The following DNMT1 variants were observed in gnomAD, a reference collection of about 807,000 sequenced individuals.
DNMT1 encodes DNA methyltransferase 1, also known as DNA (cytosine-5)-methyltransferase 1.
Under a neutral mutation model 205.3 loss-of-function variants are expected in DNMT1, and 24 were observed. The observed-to-expected ratio is 0.12, with a 90% CI of 0.08 to 0.16. The LOEUF (loss-of-function observed/expected upper bound fraction) is 0.16. Ranked by LOEUF, DNMT1 falls within the 10% of genes least tolerant of loss-of-function variation. The pLI is 1.00. For missense variants in DNMT1, 1,293 were observed against 2,177.7 expected, an observed-to-expected ratio of 0.59 and a Z score of 8.09; for synonymous variants, 817 against 839.8, an observed-to-expected ratio of 0.97 and a Z score of 0.47.
At chr19:10,150,728 G>C (rs1041301410) in intron 24 of DNMT1, among the ~76,000 whole-genome samples, 1 of 152,316 alleles carries the variant, frequency 6.6e-6, no homozygotes, top group East Asian at 1.9e-4. Flanking sequence ...AGAACGGATG[G>C]GAGGCCATCT....
At position 10,142,034 on chromosome 19, in the gene DNMT1, G is replaced by A; in HGVS notation, c.3303C>T (p.Phe1101=). 6.2e-7 allele frequency: 1 copy of A among 1,612,544 alleles called. No individual in the cohort carries two copies. Among genetic ancestry groups the A allele is most frequent in the African/African-American group, 1.3e-5 (1 of 75,028 alleles). The change falls in exon 30 of 41, where the codon TTC becomes TTT. Residue 1101 remains phenylalanine, a synonymous_variant. Coordinates refer to ENST00000359526, the MANE Select transcript of DNMT1 (RefSeq NM_001130823.3). ...YSMGGPNRFY[F]LEAYNAKSKS... ...TAGCAAGCAGGGGCACCACCTCGAGGAAGTAGAAGCGGTTGGGGCCGCCCA... is the reference window on the plus strand; with the variant it reads ...TAGCAAGCAGGGGCACCACCTCGAGAAAGTAGAAGCGGTTGGGGCCGCCCA...
In DNMT1 at chr19:10,148,024, G is replaced by A. The variant is rs1048689588; in HGVS notation, c.2720+860C>T. On this transcript the variant is annotated intron_variant, in intron 27 of 40. Coordinates refer to ENST00000359526, the MANE Select transcript of DNMT1 (RefSeq NM_001130823.3). ...CCAGCTACTCAGGAGGCTGAGGCAG[G>A]AGAATCGCTTGAACCCAGGAAGTAG... 8.1e-5 allele frequency among the ~76,000 whole-genome samples: 12 copies of A among 147,930 alleles called. No homozygotes were observed. In the South Asian group the frequency reaches 8.5e-4, roughly 10 times the overall value.
At chr19:10,164,481 T>C (rs2038641606) in intron 11 of DNMT1, among the ~76,000 whole-genome samples, 1 of 152,116 alleles carries the variant, frequency 6.6e-6, no homozygotes. Flanking sequence ...TCCATGGTGG[T>C]GCATGCCTGT....
At chr19:10,189,610 G>C (rs1048071355) in intron 1 of DNMT1, among the ~76,000 whole-genome samples, 2 of 151,030 alleles carry the variant, frequency 1.3e-5, no homozygotes, top group Non-Finnish European at 2.9e-5. Flanking sequence ...AGATGGGGGG[G>C]GTCTTCCTAT....
rs1056591806 is a variant in DNMT1 at position 10,136,757 on chromosome 19, G to T, written c.4489+328C>A. 9.3e-4 allele frequency among the ~76,000 whole-genome samples: 134 copies of T among 143,456 alleles called. 1 individual carries two copies. Among genetic ancestry groups the T allele is most frequent in the African/African-American group, 3.2e-3 (127 of 39,166 alleles). The allele number at this position is 143,456 out of a possible 152,430, so 94.1% of individuals were successfully genotyped here. A position where few individuals can be genotyped will look rare whatever the true frequency, so the allele number is the denominator to read the frequency against. ...GACCTGCTTTTATTATTTATTTATT[G>T]TTTTTTTTTTTTCTTTTTAGAGACA... On this transcript the variant is annotated intron_variant, in intron 37 of 40. Transcript: ENST00000359526.
At chr19:10,143,689 T>TA (rs2089645849) in intron 29 of DNMT1, 77 bp downstream of exon 29, 1 of 1,534,830 alleles carries the variant, frequency 6.5e-7, no homozygotes, top group Non-Finnish European at 9.0e-7. Flanking sequence ...CTGTGGGTGC[T>TA]ATGCCACAAC....
Position 10,136,302 on chromosome 19 carries a change from A to G in DNMT1, c.4490-15T>C. 1 of 1,613,424 alleles carries G rather than the reference A, an allele frequency of 6.2e-7. No homozygotes were observed. The highest frequency in any genetic ancestry group is 8.5e-7 in the Non-Finnish European group (1 of 1,179,990). On this transcript the variant is annotated splice_polypyrimidine_tract_variant and intron_variant, in intron 37 of 40. Coordinates refer to ENST00000359526, the MANE Select transcript of DNMT1 (RefSeq NM_001130823.3). ...GGCTTTGCCGGCTGGAAGACAGGAC[A>G]GTGATGAGGCTGCAGTTGTGGGATG...
chr19:10,134,387 C>T, intron 39 of DNMT1, 80 bp from the exon 40 acceptor site: 1 of 1,364,712 alleles, frequency 7.3e-7, no homozygotes, highest in Non-Finnish European at 1.0e-6. Context: ...CCAGCCCCTG[C>T]TCAGATGGAG....
Position 10,139,691 on chromosome 19 carries a change from G to A in DNMT1, c.3933C>T (p.Thr1311=), listed in dbSNP as rs1254922925. ...CAGGGCCCACCTGCAGCACGCCGAA[G>A]GTGCACTGATAGCCCATGCGGACCA... ...RCLVRMGYQC[T]FGVLQAGQYG... Residue 1311 remains threonine (T), a synonymous_variant, in exon 34 of 41, where the codon ACC becomes ACT. Coordinates refer to ENST00000359526, the MANE Select transcript of DNMT1 (RefSeq NM_001130823.3). The A allele has an allele frequency of 6.2e-7, 1 of 1,613,520 alleles. No homozygotes were observed. Among genetic ancestry groups the A allele is most frequent in the East Asian group, 2.2e-5 (1 of 44,878 alleles).
At chr19:10,181,808 GAC>G (rs2039051773) in intron 2 of DNMT1, among the ~76,000 whole-genome samples, 1 of 151,904 alleles carries the variant, frequency 6.6e-6, no homozygotes, top group Non-Finnish European at 1.5e-5. Flanking sequence ...TAGCCTGGGT[GAC>G]AGAGTGAGAC....
chr19:10,185,553 G>A (rs544196480), intron 1 of DNMT1, among the ~76,000 whole-genome samples: 2 of 151,976 alleles, frequency 1.3e-5, no homozygotes, highest in East Asian at 1.9e-4. Context: ...CAGGCAAGAC[G>A]CAGTGGCTCA....
chr19:10,155,098 G>C, intron 19 of DNMT1, 42 bp from the exon 20 acceptor site: 1 of 1,612,614 alleles, frequency 6.2e-7, no homozygotes, highest in East Asian at 2.2e-5. Flanking sequence ...GCTGGAATCT[G>C]ATGGCGCCTA....
intron 39 of DNMT1, 142 bp downstream of exon 39, chr19:10,135,594 C>G (rs764935608): frequency 1.2e-6 from 1 of 829,358 alleles, no homozygotes; most frequent in Non-Finnish European, 2.0e-6. Flanking sequence ...TCCTGTGGGC[C>G]GTCTTCCCAC....
chr19:10,183,927 G>A lies in DNMT1; in HGVS notation c.81-1850C>T, dbSNP rs182917929. Among the ~76,000 whole-genome samples the A allele has an allele frequency of 5.3e-4, 81 of 152,226 alleles. No homozygotes were observed. The East Asian group carries it at 0.013, about 25-fold the overall frequency. On this transcript the variant is annotated intron_variant, in intron 1 of 40. Coordinates refer to ENST00000359526, the MANE Select transcript of DNMT1 (RefSeq NM_001130823.3). The stretch of plus-strand genomic sequence containing the variant: ...AAAATAACTGGGTTTGGTGGCATGT[G>A]CTTGTGGTCCCAGTTACTTGGGAGG...
rs1464165445 is a variant in DNMT1, at chr19:10,154,235, G to T, written c.2019+58C>A. 1.3e-6 allele frequency: 2 copies of T among 1,555,524 alleles called. No homozygotes were observed. The highest frequency in any genetic ancestry group is 1.7e-5 in the Admixed American group (1 of 59,950). ...AGAGAGAAAGATGGAGCAGTCCTCA[G>T]ATCAGGCCAGAGGCTGGGCCACCTT... On this transcript the variant is annotated intron_variant, in intron 22 of 40. Coordinates refer to ENST00000359526, the MANE Select transcript of DNMT1 (RefSeq NM_001130823.3). The surrounding 1 kb of genome is among the most constrained non-coding windows in gnomAD (Gnocchi z 6.3).
At position 10,134,803 on chromosome 19, in the gene DNMT1, G is replaced by A. The variant is rs1164697926; in HGVS notation, c.4774-496C>T. On this transcript the variant is annotated intron_variant, in intron 39 of 40. Coordinates refer to ENST00000359526, the MANE Select transcript of DNMT1 (RefSeq NM_001130823.3). Reference sequence around the variant, plus strand: ...AACCCTGGAGGTGGAGGTTGCAGTGGGCAGAGATCATGTCACTGCACTCCA... The same window carrying A: ...AACCCTGGAGGTGGAGGTTGCAGTGAGCAGAGATCATGTCACTGCACTCCA... 9.2e-5 allele frequency among the ~76,000 whole-genome samples: 14 copies of A among 151,584 alleles called. No individual in the cohort carries two copies. The East Asian group carries it at 2.5e-3, about 27-fold the overall frequency.
At chr19:10,169,386 CAAA>C (rs61170762) in intron 9 of DNMT1, among the ~76,000 whole-genome samples, 2 of 80,940 alleles carry the variant, frequency 2.5e-5, no homozygotes, top group Admixed American at 1.7e-4. Context: ...ACTAAAAATA[CAAA>C]AAAAAAAAAA....
intron 1 of DNMT1, among the ~76,000 whole-genome samples, chr19:10,193,641 G>A (rs1335989213): frequency 7.0e-6 from 1 of 142,262 alleles, no homozygotes. Context: ...GGGATTACAG[G>A]CATAAGCCAC....
intron 9 of DNMT1, among the ~76,000 whole-genome samples, chr19:10,172,650 C>G (rs1442559974): frequency 6.6e-6 from 1 of 151,790 alleles, no homozygotes; most frequent in Non-Finnish European, 1.5e-5. Context: ...ACAGTGAAAC[C>G]CCATCTCCAC....
Sources: allele counts gnomAD v4.1 joint callset (sites outside exome capture counted in the v4.1 genomes callset), GRCh38; gene constraint gnomAD v4.1.1; non-coding constraint Gnocchi (gnomAD v3.1); transcripts MANE v1.5; gene names NCBI Gene and HGNC (gene_info 2026-07-23, HGNC 2026-07-21).